BLTP3A: variants seen among roughly 807,000 people sequenced by gnomAD.
BLTP3A encodes the protein bridge-like lipid transfer protein family member 3A, also known as ICBP90 binding protein 1.
chr6:34,821,694 CCCTGAAAGGGGAGGGTCAGCTGACCAA>C, the BLTP3A span: 2 of 1,614,098 alleles, frequency 1.2e-6, no homozygotes, highest in Non-Finnish European at 1.7e-6. Flanking sequence ...AACCTGAGCA[CCCTGAAAGGGGAGGGTCAGCTGACCAA>C]CCTGGAGCTG....
At chr6:34,813,575 C>T in the BLTP3A span, among the ~76,000 whole-genome samples, 1 of 152,172 alleles carries the variant, frequency 6.6e-6, no homozygotes, top group Non-Finnish European at 1.5e-5. Context: ...AAAATGTTTT[C>T]CCACATACTT....
chr6:34,831,146 A>C, the BLTP3A span, among the ~76,000 whole-genome samples: 1 of 138,146 alleles, frequency 7.2e-6, no homozygotes, highest in Non-Finnish European at 1.5e-5. Context: ...TTTTTTTTTG[A>C]GACAGAGTTC....
the BLTP3A span, chr6:34,857,757 G>A: frequency 6.2e-7 from 1 of 1,614,052 alleles, no homozygotes; most frequent in Non-Finnish European, 8.5e-7. Context: ...CAGTTAAATG[G>A]TCTGACATTT....
At chr6:34,857,532 G>A in the BLTP3A span, 2 of 1,574,054 alleles carry the variant, frequency 1.3e-6, no homozygotes, top group Admixed American at 3.9e-5. Context: ...GTCAGCCTTG[G>A]GGCCACTACG....
At chr6:34,808,364 A>AAAAAAAAAAAAAAAAAT in the BLTP3A span, among the ~76,000 whole-genome samples, 1 of 150,866 alleles carries the variant, frequency 6.6e-6, no homozygotes, top group African/African-American at 2.4e-5. Context: ...AAAAAAAAAA[A>AAAAAAAAAAAAAAAAAT]AAAAAAGAAT....
the BLTP3A span, among the ~76,000 whole-genome samples, chr6:34,863,844 T>C: frequency 2.0e-5 from 3 of 152,230 alleles, no homozygotes; most frequent in African/African-American, 7.2e-5. Flanking sequence ...TGACTTGATC[T>C]CTTTACAGCC....
the BLTP3A span, among the ~76,000 whole-genome samples, chr6:34,844,034 G>A: frequency 6.6e-6 from 1 of 151,258 alleles, no homozygotes; most frequent in Non-Finnish European, 1.5e-5. Context: ...AGGCTGGAGT[G>A]CAGTGGCGTG....
the BLTP3A span, among the ~76,000 whole-genome samples, chr6:34,810,742 T>A: frequency 6.6e-6 from 1 of 152,216 alleles, no homozygotes; most frequent in Non-Finnish European, 1.5e-5. Context: ...GTGCTGTGAG[T>A]ACAGGTGTGA....
chr6:34,837,527 AATT>A, the BLTP3A span, among the ~76,000 whole-genome samples: 1 of 151,762 alleles, frequency 6.6e-6, no homozygotes, highest in Non-Finnish European at 1.5e-5. Flanking sequence ...CTTAAAAAAA[AATT>A]AGCCAGGTGT....
chr6:34,805,383 A>C, the BLTP3A span, among the ~76,000 whole-genome samples: 1 of 152,008 alleles, frequency 6.6e-6, no homozygotes, highest in African/African-American at 2.4e-5. Flanking sequence ...ACTTGAAGTC[A>C]GGAGTTTGAG....
At chr6:34,867,534 T>C in the BLTP3A span, 2 of 1,614,154 alleles carry the variant, frequency 1.2e-6, no homozygotes, top group Admixed American at 1.7e-5. Flanking sequence ...AGGACCTGAC[T>C]GTGGCCCTGC....
chr6:34,802,378 T>TC, the BLTP3A span, among the ~76,000 whole-genome samples: 1 of 150,968 alleles, frequency 6.6e-6, no homozygotes, highest in African/African-American at 2.4e-5. Flanking sequence ...GGCTAATTTT[T>TC]TTTTTTTTTG....
the BLTP3A span, among the ~76,000 whole-genome samples, chr6:34,831,389 A>G: frequency 1.3e-5 from 2 of 152,114 alleles, no homozygotes; most frequent in African/African-American, 4.8e-5. Context: ...CGGCCTCCCA[A>G]AGTGCTGGGA....
At chr6:34,823,321 C>A in the BLTP3A span, 1 of 1,614,098 alleles carries the variant, frequency 6.2e-7, no homozygotes, top group Non-Finnish European at 8.5e-7. Context: ...AATGGACAGT[C>A]TCCCATTGCC....
At chr6:34,868,679 G>A in the BLTP3A span, among the ~76,000 whole-genome samples, 1,099 of 151,276 alleles carry the variant, frequency 7.3e-3, 21 homozygotes, top group African/African-American at 0.025. Context: ...AGCCGAGATC[G>A]CGCCCTTGTA....
chr6:34,793,654 C>T, the BLTP3A span, among the ~76,000 whole-genome samples: 1 of 152,060 alleles, frequency 6.6e-6, no homozygotes, highest in African/African-American at 2.4e-5. Context: ...CTCAGATTAA[C>T]GTAATATATT....
chr6:34,839,157 G>A, the BLTP3A span, among the ~76,000 whole-genome samples: 1 of 152,290 alleles, frequency 6.6e-6, no homozygotes, highest in African/African-American at 2.4e-5. Flanking sequence ...GGCTGAGGCA[G>A]GAGAATTGCT....
chr6:34,795,845 A>G, the BLTP3A span, among the ~76,000 whole-genome samples: 1 of 152,206 alleles, frequency 6.6e-6, no homozygotes, highest in Non-Finnish European at 1.5e-5. Context: ...AGCATTGGGC[A>G]GGGGACTGAG....
At chr6:34,864,061 G>A in the BLTP3A span, 6 of 1,613,862 alleles carry the variant, frequency 3.7e-6, no homozygotes, top group South Asian at 1.1e-5. Flanking sequence ...GGTGCTGCAC[G>A]ACTCCGATTT....
Sources: allele counts gnomAD v4.1 joint callset (sites outside exome capture counted in the v4.1 genomes callset), GRCh38; gene constraint gnomAD v4.1.1; transcripts MANE v1.5; gene names NCBI Gene and HGNC (gene_info 2026-07-23, HGNC 2026-07-21).